The following PTPRK variants were observed in gnomAD, a reference collection of about 807,000 sequenced individuals.
PTPRK encodes receptor-type tyrosine-protein phosphatase kappa.
Under a neutral mutation model 178.0 loss-of-function variants are expected in PTPRK, and 75 were observed. The observed-to-expected ratio is 0.42, with a 90% CI of 0.35 to 0.51. The LOEUF is 0.51. Among genes scored for constraint, PTPRK ranks in the 20% least tolerant of loss-of-function variants. The pLI, the probability that PTPRK is intolerant of heterozygous loss-of-function variation, is 0.02. For synonymous variants in PTPRK, 637 were observed against 620.6 expected, an observed-to-expected ratio of 1.03 and a Z score of -0.39; for missense variants, 1,441 against 1,797.8, an observed-to-expected ratio of 0.80 and a Z score of 3.59.
chr6:128,486,139 TTC>T (rs1430440622), intron 1 of PTPRK, among the ~76,000 whole-genome samples: 5 of 152,152 alleles, frequency 3.3e-5, no homozygotes, highest in Non-Finnish European at 7.4e-5. Context: ...ATGCACAAAA[TTC>T]TGTTATCTTT....
At chr6:128,031,256 AT>A (rs796454625) in intron 13 of PTPRK, among the ~76,000 whole-genome samples, 3 of 152,280 alleles carry the variant, frequency 2.0e-5, no homozygotes, top group African/African-American at 7.2e-5. Context: ...TGAACAGGTG[AT>A]TTGGCTAAAC....
At chr6:128,377,988 C>G (rs1336404396) in intron 2 of PTPRK, among the ~76,000 whole-genome samples, 2 of 152,042 alleles carry the variant, frequency 1.3e-5, no homozygotes, top group African/African-American at 2.4e-5. Context: ...CCAATATAGT[C>G]AAGAATTATA....
At position 128,390,234 on chromosome 6, in the gene PTPRK, C is replaced by T. The variant is rs1463893982; in HGVS notation, c.223+7332G>A. 2.0e-5 allele frequency among the ~76,000 whole-genome samples: 3 copies of T among 152,258 alleles called. No individual in the cohort carries two copies. In the East Asian group the frequency reaches 5.8e-4, roughly 29 times the overall value. On this transcript the variant is annotated intron_variant, in intron 2 of 29. Transcript: ENST00000368226. ...ATGATTTTTTCTTTTACCATACATG[C>T]TCTAATGAGACAGCAGATAACATAT...
chr6:127,992,830 T>G, intron 18 of PTPRK, 121 bp from the exon 19 acceptor site: 1 of 742,300 alleles, frequency 1.3e-6, no homozygotes, highest in Non-Finnish European at 2.2e-6. Context: ...AGTCCAGAAA[T>G]GAGTAGTGAA....
At chr6:128,378,255 C>A (rs1210340574) in intron 2 of PTPRK, among the ~76,000 whole-genome samples, 2 of 151,978 alleles carry the variant, frequency 1.3e-5, no homozygotes, top group Admixed American at 6.6e-5. Context: ...AACCAATCTT[C>A]CCAAAGATAA....
chr6:128,009,443 G>A (rs1778811266), intron 13 of PTPRK, among the ~76,000 whole-genome samples, 175 bp from the exon 14 acceptor site: 1 of 150,880 alleles, frequency 6.6e-6, no homozygotes, highest in Non-Finnish European at 1.5e-5. Context: ...TAGGGTTGAG[G>A]TAAGGAAATC....
Position 128,021,453 on chromosome 6 carries a change from G to A in PTPRK, c.2195-12185C>T, listed in dbSNP as rs899251064. Among the ~76,000 whole-genome samples, 54 of 152,078 alleles carry A rather than the reference G, an allele frequency of 3.6e-4. 1 individual carries two copies. Among genetic ancestry groups the A allele is most frequent in the Non-Finnish European group, 1.3e-4 (9 of 68,020 alleles). On this transcript the variant is annotated intron_variant, in intron 13 of 29. Coordinates refer to ENST00000368226, the MANE Select transcript of PTPRK (RefSeq NM_002844.4). Reference sequence around the variant, plus strand: ...AGATGGAGACCATCCTGGCTAACACGGTGAAACCCTGTCTCTACTAAAAAT... The same window carrying A: ...AGATGGAGACCATCCTGGCTAACACAGTGAAACCCTGTCTCTACTAAAAAT...
intron 7 of PTPRK, among the ~76,000 whole-genome samples, chr6:128,105,539 C>A (rs1789581894): frequency 6.6e-6 from 1 of 152,124 alleles, no homozygotes; most frequent in South Asian, 2.1e-4. Flanking sequence ...AATCTAAAGG[C>A]TTTGAGCATA....
intron 3 of PTPRK, among the ~76,000 whole-genome samples, chr6:128,257,775 A>G (rs997957994): frequency 6.6e-6 from 1 of 152,212 alleles, no homozygotes; most frequent in East Asian, 1.9e-4. Flanking sequence ...AAGTGAAATG[A>G]TGTAATAAAA....
At position 128,180,545 on chromosome 6, in the gene PTPRK, C is replaced by G. The variant is rs1583356280; in HGVS notation, c.1162+3887G>C. 2.0e-5 allele frequency among the ~76,000 whole-genome samples: 3 copies of G among 151,970 alleles called. No homozygotes were observed. In the East Asian group the frequency reaches 5.8e-4, roughly 29 times the overall value. On this transcript the variant is annotated intron_variant, in intron 7 of 29. Transcript: ENST00000368226. ...ATTACCACCTCTCCTAAGTCAGAGA[C>G]CCTGAAGCAACTAATTGCAGTTACC...
chr6:128,218,813 C>G, intron 6 of PTPRK, 109 bp downstream of exon 6: 1 of 994,826 alleles, frequency 1.0e-6, no homozygotes. Flanking sequence ...TTTATAGTGA[C>G]TTGACATCAG....
chr6:128,110,937 C>T (rs567069941), intron 7 of PTPRK, among the ~76,000 whole-genome samples: 1 of 152,202 alleles, frequency 6.6e-6, no homozygotes, highest in East Asian at 1.9e-4. Context: ...CCAAATAGTC[C>T]AATTCAGCAA....
chr6:128,165,725 G>A (rs1053025558), intron 7 of PTPRK, among the ~76,000 whole-genome samples: 2 of 151,082 alleles, frequency 1.3e-5, no homozygotes, highest in Non-Finnish European at 3.0e-5. Flanking sequence ...GTCTCTGCCT[G>A]AATAAATCTG....
At position 127,974,431 on chromosome 6, in the gene PTPRK, C is replaced by A. The variant is rs769021805; in HGVS notation, c.3970-604G>T. Among the ~76,000 whole-genome samples the A allele has an allele frequency of 8.5e-5, 13 of 152,188 alleles. No individual in the cohort carries two copies. In the South Asian group the frequency reaches 2.5e-3, roughly 29 times the overall value. On this transcript the variant is annotated intron_variant, in intron 27 of 29. Transcript: ENST00000368226. ...GGGACTTTGCATATACTGTATGTAC[C>A]CTTTGCCTTGAATACTTCTTCCTTG... is the stretch of plus-strand genomic sequence containing the variant.
intron 1 of PTPRK, among the ~76,000 whole-genome samples, chr6:128,508,460 C>T (rs1856685341): frequency 6.6e-6 from 1 of 152,176 alleles, no homozygotes; most frequent in Non-Finnish European, 1.5e-5. Flanking sequence ...AAAGTATACA[C>T]ACAACTTTCT....
At chr6:128,512,451 T>C (rs1233400699) in intron 1 of PTPRK, among the ~76,000 whole-genome samples, 4 of 152,190 alleles carry the variant, frequency 2.6e-5, no homozygotes, top group Admixed American at 1.3e-4. Flanking sequence ...ATTATGCCAA[T>C]ATTTTCTGAA....
At chr6:128,273,252 T>C (rs112026841) in intron 3 of PTPRK, among the ~76,000 whole-genome samples, 8,623 of 151,894 alleles carry the variant, frequency 0.057, 636 homozygotes, top group African/African-American at 0.17. Context: ...GAGAAATACC[T>C]AATGTAAATG....
intron 3 of PTPRK, among the ~76,000 whole-genome samples, chr6:128,243,488 T>TG (rs1452928344): frequency 3.4e-5 from 2 of 59,134 alleles, no homozygotes; most frequent in African/African-American, 1.0e-4. Context: ...AGCCTGTCGC[T>TG]AAAAAAAAAA....
intron 7 of PTPRK, among the ~76,000 whole-genome samples, chr6:128,183,275 C>T (rs1802229498): frequency 6.6e-6 from 1 of 152,130 alleles, no homozygotes; most frequent in African/African-American, 2.4e-5. Flanking sequence ...AACAATTTGT[C>T]ACATGACCTC....
Sources: allele counts gnomAD v4.1 joint callset (sites outside exome capture counted in the v4.1 genomes callset), GRCh38; gene constraint gnomAD v4.1.1; transcripts MANE v1.5; gene names NCBI Gene and HGNC (gene_info 2026-07-23, HGNC 2026-07-21).